The following LTBP1 variants were observed in gnomAD, a reference collection of about 807,000 sequenced individuals.
LTBP1 encodes the protein latent-transforming growth factor beta-binding protein 1.
LTBP1 carries 129 observed loss-of-function variants against 207.6 expected under a neutral mutation model. The ratio of observed to expected loss-of-function variants is 0.62; its 90% CI spans 0.54 to 0.72. LTBP1 has a LOEUF of 0.72. Among genes scored for constraint, LTBP1 ranks in the 30% least tolerant of loss-of-function variants. The pLI, the probability that LTBP1 is intolerant of heterozygous loss-of-function variation, is 0.00. For synonymous variants in LTBP1, 963 were observed against 833.7 expected (o/e 1.16, Z -2.67); for missense variants, 2,281 against 2,217.2 (o/e 1.03, Z -0.58).
At chr2:33,326,665 A>ATTTATTTATTTATTTATTTT (rs2094432308) in intron 24 of LTBP1, among the ~76,000 whole-genome samples, 1 of 151,348 alleles carries the variant, frequency 6.6e-6, no homozygotes, top group Non-Finnish European at 1.5e-5. Flanking sequence ...TTATTTATTT[A>ATTTATTTATTTATTTATTTT]TTTATTTTTT....
intron 4 of LTBP1, among the ~76,000 whole-genome samples, chr2:33,121,694 C>T (rs918129573): frequency 1.3e-5 from 2 of 152,168 alleles, no homozygotes; most frequent in Non-Finnish European, 2.9e-5. Flanking sequence ...CGGCGTAATC[C>T]TCCCCCAAAC....
At chr2:33,133,268 T>C (rs2081927853) in intron 4 of LTBP1, among the ~76,000 whole-genome samples, 1 of 152,136 alleles carries the variant, frequency 6.6e-6, no homozygotes, top group East Asian at 1.9e-4. Flanking sequence ...TCTGAAAATA[T>C]AATATTAGCC....
intron 3 of LTBP1, among the ~76,000 whole-genome samples, chr2:33,082,122 T>A (rs906799342): frequency 1.3e-5 from 2 of 152,172 alleles, no homozygotes; most frequent in African/African-American, 4.8e-5. Context: ...TTCGTCCTCA[T>A]GAATGGATTA....
intron 2 of LTBP1, among the ~76,000 whole-genome samples, chr2:33,014,737 T>G (rs1688134705): frequency 2.0e-5 from 3 of 152,196 alleles, no homozygotes; most frequent in Non-Finnish European, 4.4e-5. Context: ...TTTAAAGAAC[T>G]CTAGGATCAG....
chr2:33,322,331 C>T (rs1174153387), intron 24 of LTBP1, among the ~76,000 whole-genome samples: 1 of 152,152 alleles, frequency 6.6e-6, no homozygotes, highest in Non-Finnish European at 1.5e-5. Context: ...GCTGGGCGTC[C>T]TACATCTGAC....
At chr2:33,341,358 G>C (rs1413005977) in intron 24 of LTBP1, among the ~76,000 whole-genome samples, 1 of 152,066 alleles carries the variant, frequency 6.6e-6, no homozygotes, top group Non-Finnish European at 1.5e-5. Context: ...GCCCCACCCA[G>C]AAAGGAGAAG....
intron 3 of LTBP1, among the ~76,000 whole-genome samples, chr2:33,056,985 T>G (rs978121062): frequency 6.6e-6 from 1 of 151,938 alleles, no homozygotes; most frequent in African/African-American, 2.4e-5. Flanking sequence ...GCGTTTACAA[T>G]CCCTGAGCTA....
At chr2:33,150,170 C>G (rs1047742653) in intron 5 of LTBP1, among the ~76,000 whole-genome samples, 1 of 152,168 alleles carries the variant, frequency 6.6e-6, no homozygotes, top group Non-Finnish European at 1.5e-5. Flanking sequence ...AGACATTGCC[C>G]TCACCTGCAT....
chr2:33,300,426 A>C, intron 20 of LTBP1, 25 bp from the exon 21 acceptor site: 2 of 1,609,018 alleles, frequency 1.2e-6, no homozygotes, highest in Non-Finnish European at 1.7e-6. Context: ...CTTTTTCAGA[A>C]AAATTGCCGT....
intron 9 of LTBP1, among the ~76,000 whole-genome samples, chr2:33,229,074 T>C (rs1314052834): frequency 6.6e-6 from 1 of 152,166 alleles, no homozygotes; most frequent in African/African-American, 2.4e-5. Context: ...TTGTAAAATA[T>C]CACTAATGCA....
intron 13 of LTBP1, among the ~76,000 whole-genome samples, chr2:33,260,542 TAA>T (rs2092982073): frequency 1.3e-5 from 2 of 152,192 alleles, no homozygotes; most frequent in Admixed American, 6.5e-5. Context: ...CTAAATCTTA[TAA>T]TTATGGGATA....
chr2:33,273,265 T>C (rs1174448021), intron 15 of LTBP1, among the ~76,000 whole-genome samples: 1 of 152,122 alleles, frequency 6.6e-6, no homozygotes, highest in Non-Finnish European at 1.5e-5. Flanking sequence ...AGATAAGAAA[T>C]CTCTTACCTA....
At chr2:33,270,092 A>G (rs1558919982) in intron 15 of LTBP1, among the ~76,000 whole-genome samples, 1 of 149,692 alleles carries the variant, frequency 6.7e-6, no homozygotes, top group Non-Finnish European at 1.5e-5. Context: ...AATTTTTTCT[A>G]TTTTTAGTAA....
chr2:33,366,488 T>C (rs987476672), intron 31 of LTBP1, among the ~76,000 whole-genome samples: 1 of 152,182 alleles, frequency 6.6e-6, no homozygotes, highest in Non-Finnish European at 1.5e-5. Context: ...GAGAAAATAA[T>C]TGGGAATTCC....
chr2:33,322,264 T>G (rs1333269852), intron 24 of LTBP1, among the ~76,000 whole-genome samples: 23 of 152,166 alleles, frequency 1.5e-4, no homozygotes, highest in Non-Finnish European at 1.0e-4. Context: ...AAGTGAAGTC[T>G]GTGACTAGGC....
chr2:33,266,920 A>G (rs2093197924), intron 15 of LTBP1, among the ~76,000 whole-genome samples: 2 of 152,150 alleles, frequency 1.3e-5, no homozygotes, highest in South Asian at 4.2e-4. Context: ...CCCACTCACC[A>G]TGTTGAGGGT....
chr2:33,261,570 T>G (rs996295299), intron 13 of LTBP1, among the ~76,000 whole-genome samples: 1 of 22,318 alleles, frequency 4.5e-5, no homozygotes, highest in Non-Finnish European at 8.1e-5. Flanking sequence ...TGAACAACTG[T>G]TAAGAAAAAA....
chr2:32,975,621 T>TTTTTTTTTTTTTG (rs1558461916), intron 2 of LTBP1, among the ~76,000 whole-genome samples: 1 of 87,170 alleles, frequency 1.1e-5, no homozygotes, highest in African/African-American at 4.1e-5. Flanking sequence ...TTTTTTTTTT[T>TTTTTTTTTTTTTG]GTCTGACTGG....
intron 4 of LTBP1, among the ~76,000 whole-genome samples, chr2:33,111,838 T>C (rs1209620748): frequency 1.3e-5 from 2 of 152,144 alleles, no homozygotes; most frequent in Non-Finnish European, 2.9e-5. Context: ...GCCCTGGGGA[T>C]CTTAGGGAAG....
Sources: allele counts gnomAD v4.1 joint callset (sites outside exome capture counted in the v4.1 genomes callset), GRCh38; gene constraint gnomAD v4.1.1; transcripts MANE v1.5; gene names NCBI Gene and HGNC (gene_info 2026-07-23, HGNC 2026-07-21).